The following ZBTB8A variants were observed in gnomAD, a reference collection of about 807,000 sequenced individuals.
The protein encoded by ZBTB8A is zinc finger and BTB domain-containing protein 8A.
In ZBTB8A, 19 loss-of-function variants were observed where a neutral mutation model predicts 37.8. The observed-to-expected ratio is 0.50, with a 90% confidence interval of 0.35 to 0.74. ZBTB8A has a LOEUF of 0.74. ZBTB8A is among the 30% of genes least tolerant of loss of function. The probability of loss-of-function intolerance (pLI) is 0.01; values close to 1 mark genes in which losing one functional copy is unlikely to be tolerated. For missense variants in ZBTB8A, 394 were observed against 537.8 expected (o/e 0.73, Z 2.65); for synonymous variants, 181 against 185.2 (o/e 0.98, Z 0.19).
In ZBTB8A at chr1:32,551,088, T is replaced by G. The variant is rs568817660; in HGVS notation, c.-83-2371T>G. On this transcript the variant is annotated intron_variant, in intron 1 of 4. Transcript: ENST00000373510. ...AGTAAATGCCATTCTCTGAATGCCC[T>G]TCTAACTCATTAGGGCTAGGTGACA... Among the ~76,000 whole-genome samples, 3 of 152,298 alleles carry G rather than the reference T, an allele frequency of 2.0e-5. No individual in the cohort carries two copies. In the East Asian group the frequency reaches 5.8e-4, roughly 29 times the overall value.
At chr1:32,581,555 T>C (rs1276705576) in intron 2 of ZBTB8A, among the ~76,000 whole-genome samples, 1 of 151,592 alleles carries the variant, frequency 6.6e-6, no homozygotes, top group African/African-American at 2.4e-5. Flanking sequence ...TTTCGCCACG[T>C]TGGCCAGGCT....
In ZBTB8A at chr1:32,601,986, T is replaced by C. The variant is rs1644579474; in HGVS notation, c.*1567T>C. Reference sequence around the variant, plus strand: ...GTTGAACATTTTTGCTTCTCTTGTTTATATAATATTTTCAAAACAAACTTT... The same window carrying C: ...GTTGAACATTTTTGCTTCTCTTGTTCATATAATATTTTCAAAACAAACTTT... On this transcript the variant is annotated 3_prime_UTR_variant, in exon 5 of 5. Coordinates refer to ENST00000373510, the MANE Select transcript of ZBTB8A (RefSeq NM_001040441.3). 1 of 235,846 alleles carries C rather than the reference T, an allele frequency of 4.2e-6. No homozygotes were observed. The highest frequency in any genetic ancestry group is 8.1e-6 in the Non-Finnish European group (1 of 123,658). The allele number at this position is 235,846 out of a possible 1,614,324, so 14.6% of individuals were successfully genotyped here. A position where few individuals can be genotyped will look rare whatever the true frequency, so the allele number is the denominator to read the frequency against.
intron 1 of ZBTB8A, among the ~76,000 whole-genome samples, chr1:32,540,610 G>A (rs1426748870): frequency 6.6e-6 from 1 of 152,106 alleles, no homozygotes; most frequent in African/African-American, 2.4e-5. Context: ...GGCACCTCCA[G>A]AGGAGTCTTT....
intron 1 of ZBTB8A, among the ~76,000 whole-genome samples, chr1:32,552,883 GATTT>G (rs969781513): frequency 4.2e-4 from 62 of 147,740 alleles, no homozygotes; most frequent in Middle Eastern, 3.6e-3. Context: ...TAATATTAAT[GATTT>G]ATTTATATTG....
At chr1:32,586,758 G>A (rs1644452813) in intron 2 of ZBTB8A, among the ~76,000 whole-genome samples, 1 of 152,084 alleles carries the variant, frequency 6.6e-6, no homozygotes, top group Non-Finnish European at 1.5e-5. Flanking sequence ...GTGGAGATGA[G>A]GTTAGAGAAG....
chr1:32,577,900 G>T (rs556407969), intron 2 of ZBTB8A, among the ~76,000 whole-genome samples: 8 of 151,610 alleles, frequency 5.3e-5, no homozygotes, highest in African/African-American at 1.4e-4. Context: ...TGTATTTTTT[G>T]ATTTCTATAA....
chr1:32,556,912 C>T (rs1644207481), intron 2 of ZBTB8A, among the ~76,000 whole-genome samples: 1 of 151,846 alleles, frequency 6.6e-6, no homozygotes, highest in Non-Finnish European at 1.5e-5. Flanking sequence ...AAGGTATAGA[C>T]CAATATATAT....
At chr1:32,561,864 TG>T (rs1644246000) in intron 2 of ZBTB8A, among the ~76,000 whole-genome samples, 1 of 152,166 alleles carries the variant, frequency 6.6e-6, no homozygotes. Context: ...CATATAATTT[TG>T]GGGGGCACAA....
At chr1:32,544,714 A>G (rs1274048323) in intron 1 of ZBTB8A, among the ~76,000 whole-genome samples, 10 of 152,188 alleles carry the variant, frequency 6.6e-5, no homozygotes. Flanking sequence ...AAATAAACAA[A>G]TAAATAAACA....
At chr1:32,580,970 G>A (rs1413618693) in intron 2 of ZBTB8A, among the ~76,000 whole-genome samples, 1 of 149,460 alleles carries the variant, frequency 6.7e-6, no homozygotes, top group African/African-American at 2.5e-5. Context: ...GCATGAATGA[G>A]GTGTCCACAC....
rs1331402118 is a variant in ZBTB8A at position 32,601,627 on chromosome 1, CAG to C, written c.*1210_*1211del. The C allele has an allele frequency of 4.8e-5, 19 of 398,412 alleles. No homozygotes were observed. Among genetic ancestry groups the C allele is most frequent in the Admixed American group, 8.8e-5 (2 of 22,698 alleles). The allele number at this position is 398,412 out of a possible 1,614,324, so 24.7% of individuals were successfully genotyped here. A position where few individuals can be genotyped will look rare whatever the true frequency, so the allele number is the denominator to read the frequency against. On this transcript the variant is annotated 3_prime_UTR_variant, in exon 5 of 5. Coordinates refer to ENST00000373510, the MANE Select transcript of ZBTB8A (RefSeq NM_001040441.3). ...GATTTACAAATGAGGAAATTAAGGT[CAG>C]AAAGTCTGAGAGAGAAAACTGATGA...
chr1:32,552,581 G>T (rs1644165433), intron 1 of ZBTB8A, among the ~76,000 whole-genome samples: 2 of 151,968 alleles, frequency 1.3e-5, no homozygotes, highest in Non-Finnish European at 2.9e-5. Context: ...CAGGGGAATT[G>T]CTCAAACCAG....
At chr1:32,548,624 T>A (rs1024714553) in intron 1 of ZBTB8A, among the ~76,000 whole-genome samples, 2 of 152,152 alleles carry the variant, frequency 1.3e-5, no homozygotes, top group African/African-American at 4.8e-5. Flanking sequence ...GTGAGCCTCC[T>A]TTCTGTATCC....
At chr1:32,552,506 A>G (rs1644164652) in intron 1 of ZBTB8A, among the ~76,000 whole-genome samples, 1 of 152,150 alleles carries the variant, frequency 6.6e-6, no homozygotes, top group Admixed American at 6.6e-5. Flanking sequence ...TCTACTAAAA[A>G]TACAAAAATA....
In ZBTB8A at chr1:32,605,353, A is replaced by C. The variant is rs1358803110; in HGVS notation, c.*4934A>C. On this transcript the variant is annotated 3_prime_UTR_variant, in exon 5 of 5. Coordinates refer to ENST00000373510, the MANE Select transcript of ZBTB8A (RefSeq NM_001040441.3). ...AATTTTTGTTATTCTTTACATATAT[A>C]TGAAATAGGACAGTTATCCCACATG... is the stretch of plus-strand genomic sequence containing the variant. 6.6e-6 allele frequency: 1 copy of C among 152,042 alleles called. No individual in the cohort carries two copies. The highest frequency in any genetic ancestry group is 2.4e-5 in the African/African-American group (1 of 41,382). 9.4% of individuals were successfully genotyped at this position (152,042 alleles called of 1,614,324 possible). A position where few individuals can be genotyped will look rare whatever the true frequency, so the allele number is the denominator to read the frequency against.
chr1:32,540,813 G>C (rs1644046876), intron 1 of ZBTB8A, among the ~76,000 whole-genome samples: 1 of 152,178 alleles, frequency 6.6e-6, no homozygotes, highest in African/African-American at 2.4e-5. Flanking sequence ...TTATTCCTGG[G>C]AACCTCTCTG....
chr1:32,600,609 T>G lies in ZBTB8A; in HGVS notation c.*190T>G. The G allele has an allele frequency of 1.8e-6, 1 of 560,382 alleles. No individual in the cohort carries two copies. Among genetic ancestry groups the G allele is most frequent in the Non-Finnish European group, 3.1e-6 (1 of 317,720 alleles). 34.7% of individuals were successfully genotyped at this position (560,382 alleles called of 1,614,324 possible). A position where few individuals can be genotyped will look rare whatever the true frequency, so the allele number is the denominator to read the frequency against. The stretch of plus-strand genomic sequence containing the variant: ...TGAACTTTGTTGCCCTAAAATGTGT[T>G]GCTGCACTGGAAAGAAAGAACTAGC... On this transcript the variant is annotated 3_prime_UTR_variant, in exon 5 of 5. Transcript: ENST00000373510.
chr1:32,597,472 G>A (rs1644542354), intron 4 of ZBTB8A, among the ~76,000 whole-genome samples: 1 of 152,090 alleles, frequency 6.6e-6, no homozygotes, highest in South Asian at 2.1e-4. Context: ...ATTAAATTTT[G>A]AAAGTGTCCT....
chr1:32,584,508 C>CTTTTT (rs1177778440), intron 2 of ZBTB8A, among the ~76,000 whole-genome samples: 132 of 117,840 alleles, frequency 1.1e-3, no homozygotes, highest in Non-Finnish European at 1.5e-3. Context: ...TTCTTTCTTT[C>CTTTTT]TTTTTTTTTT....
Sources: gnomAD v4.1 joint callset for allele counts (sites outside exome capture counted in the v4.1 genomes callset) on GRCh38, gnomAD v4.1.1 for gene constraint, MANE v1.5 for transcripts, NCBI Gene and HGNC (gene_info 2026-07-23, HGNC 2026-07-21) for gene names.